Variants in SLC9A9 observed in about 807,000 individuals in gnomAD.
SLC9A9 encodes sodium/hydrogen exchanger 9.
SLC9A9 carries 62 observed loss-of-function variants against 77.8 expected under a neutral mutation model. That is an observed-to-expected ratio of 0.80 (90% confidence interval 0.65 to 0.98). SLC9A9 has a LOEUF of 0.98. SLC9A9 is among the 50% of genes least tolerant of loss of function. SLC9A9 has a pLI of 0.00. For synonymous variants in SLC9A9, 320 were observed against 283.5 expected (o/e 1.13, Z -1.29); for missense variants, 775 against 774.9 (o/e 1.00, Z 0.00).
intron 13 of SLC9A9, among the ~76,000 whole-genome samples, chr3:143,377,614 C>T (rs867320195): frequency 6.6e-6 from 1 of 152,070 alleles, no homozygotes; most frequent in Non-Finnish European, 1.5e-5. Flanking sequence ...AAGGTAACGT[C>T]GAGAAACCAT....
chr3:143,802,004 G>T (rs902946590), intron 2 of SLC9A9, among the ~76,000 whole-genome samples: 1 of 152,166 alleles, frequency 6.6e-6, no homozygotes, highest in Non-Finnish European at 1.5e-5. Context: ...GCCATCAAAA[G>T]GCATCAGATC....
chr3:143,599,182 A>G (rs149903412), intron 6 of SLC9A9, among the ~76,000 whole-genome samples: 1 of 152,236 alleles, frequency 6.6e-6, no homozygotes, highest in African/African-American at 2.4e-5. Flanking sequence ...AAAAGAAATT[A>G]TATTTCCTGT....
intron 2 of SLC9A9, among the ~76,000 whole-genome samples, chr3:143,813,049 G>A (rs1482526256): frequency 6.6e-6 from 1 of 151,986 alleles, no homozygotes; most frequent in Non-Finnish European, 1.5e-5. Flanking sequence ...AGGAAGAAGG[G>A]CATTTGGCAT....
At chr3:143,686,757 A>G (rs1280352629) in intron 5 of SLC9A9, among the ~76,000 whole-genome samples, 1 of 152,162 alleles carries the variant, frequency 6.6e-6, no homozygotes, top group Non-Finnish European at 1.5e-5. Context: ...AGACAAGAGG[A>G]GAGTATGAGG....
chr3:143,833,360 A>G (rs2885193), intron 1 of SLC9A9, among the ~76,000 whole-genome samples: 144,980 of 152,294 alleles, frequency 0.95, 69,100 homozygotes, highest in East Asian at 1. Context: ...GCTCGTTTGT[A>G]TAAGTGAAGA....
At chr3:143,752,701 T>G (rs774136790) in intron 4 of SLC9A9, among the ~76,000 whole-genome samples, 1 of 151,856 alleles carries the variant, frequency 6.6e-6, no homozygotes, top group Non-Finnish European at 1.5e-5. Flanking sequence ...TTTTTTAAGT[T>G]ATCCGTTAGA....
At chr3:143,679,837 A>G (rs1014754243) in intron 5 of SLC9A9, among the ~76,000 whole-genome samples, 3 of 152,248 alleles carry the variant, frequency 2.0e-5, no homozygotes, top group Admixed American at 2.0e-4. Context: ...AACATTTTCA[A>G]TAAGTATACT....
chr3:143,276,880 A>G (rs1441085199), intron 14 of SLC9A9, among the ~76,000 whole-genome samples: 1 of 152,052 alleles, frequency 6.6e-6, no homozygotes, highest in Non-Finnish European at 1.5e-5. Context: ...CCATCCATAA[A>G]CCCCTAGAGA....
At chr3:143,803,283 C>T (rs146801569) in intron 2 of SLC9A9, among the ~76,000 whole-genome samples, 4 of 152,280 alleles carry the variant, frequency 2.6e-5, no homozygotes, top group South Asian at 4.2e-4. Flanking sequence ...ACAGTAACAA[C>T]CCTTATGAGC....
intron 11 of SLC9A9, among the ~76,000 whole-genome samples, chr3:143,483,973 A>G (rs764980605): frequency 1.1e-4 from 17 of 152,196 alleles, no homozygotes; most frequent in Admixed American, 2.6e-4. Context: ...TGTCTGCTGA[A>G]TGAATGACTA....
intron 8 of SLC9A9, among the ~76,000 whole-genome samples, chr3:143,559,385 A>G (rs888850801): frequency 1.3e-5 from 2 of 152,216 alleles, no homozygotes; most frequent in African/African-American, 4.8e-5. Context: ...TAGAGTAGCT[A>G]CTGCGACGTG....
At chr3:143,681,796 T>A (rs1158291960) in intron 5 of SLC9A9, among the ~76,000 whole-genome samples, 1 of 152,214 alleles carries the variant, frequency 6.6e-6, no homozygotes, top group Non-Finnish European at 1.5e-5. Context: ...TTGGACTACC[T>A]TCTGTGATAG....
rs544805796 is a variant in SLC9A9, at chr3:143,496,692, A to C, written c.1090-1244T>G. On this transcript the variant is annotated intron_variant, in intron 9 of 15. Transcript: ENST00000316549. ...AACACTGTCACCAAAATAACCAGAG[A>C]AAATTTGAAAACAACAGGAAAAATG... Among the ~76,000 whole-genome samples the C allele has an allele frequency of 2.6e-5, 4 of 152,356 alleles. No individual in the cohort carries two copies. The East Asian group carries it at 7.7e-4, about 29-fold the overall frequency.
chr3:143,710,892 T>C (rs777676419), intron 4 of SLC9A9, among the ~76,000 whole-genome samples: 1 of 152,232 alleles, frequency 6.6e-6, no homozygotes, highest in Middle Eastern at 3.2e-3. Context: ...TGCAATAGAA[T>C]GTAAATAACA....
At chr3:143,465,820 C>T (rs838619) in intron 12 of SLC9A9, among the ~76,000 whole-genome samples, 106,631 of 152,128 alleles carry the variant, frequency 0.7, 38,042 homozygotes, top group African/African-American at 0.83. Flanking sequence ...ATTTATGTGC[C>T]TAGGAAGTAA....
intron 12 of SLC9A9, among the ~76,000 whole-genome samples, chr3:143,445,949 A>G (rs1438568084): frequency 6.6e-6 from 1 of 152,194 alleles, no homozygotes; most frequent in African/African-American, 2.4e-5. Flanking sequence ...TGATGGGGCT[A>G]CAGACTGCTC....
chr3:143,652,106 G>A (rs1165609551), intron 6 of SLC9A9, 149 bp downstream of exon 6: 3 of 665,090 alleles, frequency 4.5e-6, no homozygotes, highest in African/African-American at 1.8e-5. Flanking sequence ...GATGCCTAAT[G>A]AATTGTGCCC....
In SLC9A9 at chr3:143,265,897, G is replaced by C. The variant is rs1484483028; in HGVS notation, c.*805C>G. The C allele has an allele frequency of 1.6e-6, 1 of 607,758 alleles. No homozygotes were observed. Among genetic ancestry groups the C allele is most frequent in the Non-Finnish European group, 3.0e-6 (1 of 338,870 alleles). 37.6% of individuals were successfully genotyped at this position (607,758 alleles called of 1,614,324 possible). A position where few individuals can be genotyped will look rare whatever the true frequency, so the allele number is the denominator to read the frequency against. On this transcript the variant is annotated 3_prime_UTR_variant, in exon 16 of 16. Transcript: ENST00000316549. ...CCTCCAGCATATCGCGGGGAGGGGG[G>C]GACCTGCTGCACAGCCAAGAAGTGA...
chr3:143,537,764 AT>A (rs1215919142), intron 9 of SLC9A9, among the ~76,000 whole-genome samples: 1 of 152,196 alleles, frequency 6.6e-6, no homozygotes, highest in Middle Eastern at 3.4e-3. Flanking sequence ...AAACTTTACC[AT>A]TTAGTGCCTC....
Sources: gnomAD v4.1 joint callset for allele counts (sites outside exome capture counted in the v4.1 genomes callset) on GRCh38, gnomAD v4.1.1 for gene constraint, MANE v1.5 for transcripts, NCBI Gene and HGNC (gene_info 2026-07-23, HGNC 2026-07-21) for gene names.